The following PAM variants were observed in gnomAD, a reference collection of about 807,000 sequenced individuals.
PAM encodes the protein peptidylglycine alpha-amidating monooxygenase.
A neutral mutation model predicts 122.1 loss-of-function variants in PAM; 72 were observed. That is an observed-to-expected ratio of 0.59 (90% CI 0.49 to 0.72). The LOEUF (loss-of-function observed/expected upper bound fraction) is 0.72, where lower values mean the gene tolerates loss of function less well. Among genes scored for constraint, PAM ranks in the 30% least tolerant of loss-of-function variants. The pLI is 0.00. For missense variants in PAM, 1,106 were observed against 1,183.7 expected (o/e 0.93, Z 0.96); for synonymous variants, 389 against 404.4 (o/e 0.96, Z 0.46).
At chr5:102,758,111 T>TG (rs1222793749) in intron 1 of PAM, among the ~76,000 whole-genome samples, 2 of 116,516 alleles carry the variant, frequency 1.7e-5, no homozygotes, top group African/African-American at 7.0e-5. Context: ...TTTTTTTTCT[T>TG]GGGGCAAAGA....
chr5:102,788,476 A>C (rs982627106), intron 1 of PAM, among the ~76,000 whole-genome samples: 3 of 152,170 alleles, frequency 2.0e-5, no homozygotes, highest in African/African-American at 7.2e-5. Context: ...TCAGCTGGTC[A>C]GTAATTCACA....
intron 6 of PAM, among the ~76,000 whole-genome samples, chr5:102,926,283 A>ATT (rs2151738100): frequency 6.6e-6 from 1 of 152,348 alleles, no homozygotes; most frequent in African/African-American, 2.4e-5. Flanking sequence ...TAAATAATCA[A>ATT]TAGAGACAGA....
chr5:102,876,516 T>C (rs1789266446), intron 3 of PAM, among the ~76,000 whole-genome samples: 1 of 152,172 alleles, frequency 6.6e-6, no homozygotes, highest in Non-Finnish European at 1.5e-5. Context: ...CACTTTTGTG[T>C]CTCTCATCCC....
intron 17 of PAM, among the ~76,000 whole-genome samples, chr5:103,003,538 G>T (rs964891964): frequency 1.3e-5 from 2 of 151,826 alleles, no homozygotes; most frequent in Admixed American, 1.3e-4. Flanking sequence ...GTATACATAT[G>T]TCATAACATC....
At chr5:102,950,642 C>G (rs1339424003) in intron 11 of PAM, 75 bp from the exon 12 acceptor site, 1 of 902,548 alleles carries the variant, frequency 1.1e-6, no homozygotes, top group Non-Finnish European at 1.8e-6. Flanking sequence ...AGGAACATAC[C>G]TCAACACAGT....
At chr5:103,014,720 G>A (rs1781514984) in intron 21 of PAM, among the ~76,000 whole-genome samples, 1 of 152,162 alleles carries the variant, frequency 6.6e-6, no homozygotes, top group African/African-American at 2.4e-5. Flanking sequence ...GTTTCCATCT[G>A]AATGTAGGGA....
intron 7 of PAM, among the ~76,000 whole-genome samples, chr5:102,944,771 T>C (rs568704855): frequency 6.6e-6 from 1 of 152,324 alleles, no homozygotes; most frequent in South Asian, 2.1e-4. Context: ...GCATTTATCT[T>C]ACTAAAATTT....
At chr5:102,912,997 A>G (rs148109757) in intron 4 of PAM, among the ~76,000 whole-genome samples, 9 of 152,180 alleles carry the variant, frequency 5.9e-5, no homozygotes, top group Non-Finnish European at 1.0e-4. Flanking sequence ...CATGTCTCAC[A>G]TACACATTTT....
At chr5:102,773,573 A>G (rs79552459) in intron 1 of PAM, among the ~76,000 whole-genome samples, 97 of 152,244 alleles carry the variant, frequency 6.4e-4, no homozygotes, top group African/African-American at 2.1e-3. Flanking sequence ...GTAAAAAAAC[A>G]TTCATTCTCA....
intron 16 of PAM, among the ~76,000 whole-genome samples, chr5:102,998,166 A>G (rs1011034312): frequency 1.3e-5 from 2 of 152,230 alleles, no homozygotes; most frequent in Admixed American, 6.5e-5. Flanking sequence ...TCTCCTCATC[A>G]ATAAATTGTA....
At chr5:102,857,931 G>A (rs1242711219) in intron 1 of PAM, among the ~76,000 whole-genome samples, 1 of 152,166 alleles carries the variant, frequency 6.6e-6, no homozygotes. Flanking sequence ...TGAAGAGTAT[G>A]GATTAAGAGC....
Position 102,949,126 on chromosome 5 carries a change from T to G in PAM, c.644-411T>G, listed in dbSNP as rs116668282. The stretch of plus-strand genomic sequence containing the variant: ...GTTAGACTATAAGGAAGGAACAGTA[T>G]GAAATGGCCTCTTCTCAACAGGAAC... On this transcript the variant is annotated intron_variant, in intron 9 of 25. Coordinates refer to ENST00000438793, the MANE Select transcript of PAM (RefSeq NM_001177306.2). Among the ~76,000 whole-genome samples the G allele has an allele frequency of 6.6e-3, 1,012 of 152,222 alleles. 8 individuals carry two copies. The highest frequency in any genetic ancestry group is 0.012 in the Non-Finnish European group (842 of 67,966).
At chr5:102,813,460 T>A (rs549842330) in intron 1 of PAM, among the ~76,000 whole-genome samples, 4 of 152,340 alleles carry the variant, frequency 2.6e-5, no homozygotes, top group Non-Finnish European at 5.9e-5. Context: ...ACGTCGTAAC[T>A]ACTCCAAAGA....
chr5:102,789,869 G>A (rs1030883290), intron 1 of PAM, among the ~76,000 whole-genome samples: 1 of 152,012 alleles, frequency 6.6e-6, no homozygotes, highest in African/African-American at 2.4e-5. Flanking sequence ...AATGCTTCCA[G>A]TCCTTTAGAA....
chr5:102,816,624 G>A (rs1253687963), intron 1 of PAM, among the ~76,000 whole-genome samples: 5 of 152,076 alleles, frequency 3.3e-5, no homozygotes, highest in Non-Finnish European at 5.9e-5. Flanking sequence ...TTTGGGACAC[G>A]TAGTTTTTCT....
chr5:102,772,968 T>A (rs1363610431), intron 1 of PAM, among the ~76,000 whole-genome samples: 1 of 152,118 alleles, frequency 6.6e-6, no homozygotes, highest in Non-Finnish European at 1.5e-5. Flanking sequence ...GTGGTAATAA[T>A]ATCAAGGTTT....
At chr5:102,980,311 A>T (rs1447392199) in intron 15 of PAM, among the ~76,000 whole-genome samples, 1 of 152,204 alleles carries the variant, frequency 6.6e-6, no homozygotes, top group East Asian at 1.9e-4. Context: ...ACCAAGAGAA[A>T]TCTGAACTAG....
At chr5:102,779,894 T>TATATATATATATATAC in intron 1 of PAM, among the ~76,000 whole-genome samples, 1 of 88,502 alleles carries the variant, frequency 1.1e-5, no homozygotes, top group East Asian at 3.2e-4. Context: ...TACATATATA[T>TATATATATATATATAC]ATATATATAT....
intron 1 of PAM, among the ~76,000 whole-genome samples, chr5:102,799,601 A>G (rs984642647): frequency 1.3e-5 from 2 of 152,214 alleles, no homozygotes; most frequent in Non-Finnish European, 2.9e-5. Context: ...ATTTTGAGAA[A>G]AGTGCCAAAA....
Sources: gnomAD v4.1 joint callset for allele counts (sites outside exome capture counted in the v4.1 genomes callset) on GRCh38, gnomAD v4.1.1 for gene constraint, MANE v1.5 for transcripts, NCBI Gene and HGNC (gene_info 2026-07-23, HGNC 2026-07-21) for gene names.